Variants in FRMD6 observed in about 807,000 individuals in gnomAD.
The protein encoded by FRMD6 is FERM domain-containing protein 6.
FRMD6 carries 37 observed loss-of-function variants against 73.2 expected under a neutral mutation model. The ratio of observed to expected loss-of-function variants is 0.51; its 90% CI spans 0.39 to 0.66. The LOEUF (loss-of-function observed/expected upper bound fraction) is 0.66. FRMD6 is among the 30% of genes least tolerant of loss of function. The probability of loss-of-function intolerance (pLI) is 0.00; values close to 1 mark genes in which losing one functional copy is unlikely to be tolerated. For missense variants in FRMD6, 714 were observed against 780.5 expected (o/e 0.91, Z 1.02); for synonymous variants, 273 against 282.2 (o/e 0.97, Z 0.33).
At chr14:51,564,495 T>A (rs1260583365) in intron 1 of FRMD6, among the ~76,000 whole-genome samples, 1 of 152,140 alleles carries the variant, frequency 6.6e-6, no homozygotes, top group Non-Finnish European at 1.5e-5. Flanking sequence ...CCAGGGAGAT[T>A]AAGCGGCCTC....
At chr14:51,558,919 CT>C (rs1887314985) in intron 1 of FRMD6, among the ~76,000 whole-genome samples, 1 of 152,188 alleles carries the variant, frequency 6.6e-6, no homozygotes, top group Admixed American at 6.5e-5. Context: ...AATTTTATGA[CT>C]TAACTGCTAT....
the FRMD6 span, among the ~76,000 whole-genome samples, chr14:51,398,624 A>G: frequency 2.0e-5 from 3 of 152,134 alleles, no homozygotes; most frequent in African/African-American, 7.2e-5. Flanking sequence ...TACACTAATA[A>G]GAAGTCTCTA....
the FRMD6 span, among the ~76,000 whole-genome samples, chr14:51,420,965 A>G: frequency 4.4e-3 from 668 of 152,100 alleles, 5 homozygotes; most frequent in African/African-American, 0.015. Context: ...TTTAGTAGAG[A>G]CGGGTTTCAC....
intron 10 of FRMD6, among the ~76,000 whole-genome samples, chr14:51,718,586 C>CA (rs1388374155): frequency 6.6e-6 from 1 of 152,164 alleles, no homozygotes; most frequent in Admixed American, 6.5e-5. Context: ...ACCTTCATCT[C>CA]ACACCTGCTG....
intron 2 of FRMD6, among the ~76,000 whole-genome samples, chr14:51,586,714 T>C (rs1284426992): frequency 1.4e-5 from 2 of 143,208 alleles, no homozygotes; most frequent in Admixed American, 1.4e-4. Flanking sequence ...TCATGTCTTA[T>C]GTTCAGGTCT....
Position 51,727,980 on chromosome 14 carries a change from A to G in FRMD6, c.1820A>G (p.Tyr607Cys), listed in dbSNP as rs781328504. 1 of 1,613,476 alleles carries G rather than the reference A, an allele frequency of 6.2e-7. No individual in the cohort carries two copies. Among genetic ancestry groups the G allele is most frequent in the Non-Finnish European group, 8.5e-7 (1 of 1,179,432 alleles). The change falls in exon 14 of 14, where the codon TAC becomes TGC. Residue 607 changes from tyrosine to cysteine, a missense_variant. Coordinates refer to ENST00000344768, the MANE Select transcript of FRMD6 (RefSeq NM_001267046.2). ...TTTCCAGTCAAAAGAACCAGCAAAT[A>G]CTTTTCTCTGGATCTCACTCATGAT... ...DAFPVKRTSK[Y>C]FSLDLTHDEV...
chr14:51,469,414 C>T, the FRMD6 span, among the ~76,000 whole-genome samples: 1 of 150,338 alleles, frequency 6.7e-6, no homozygotes, highest in Non-Finnish European at 1.5e-5. Flanking sequence ...CAGATCGAGA[C>T]AATCCTGGCT....
intron 1 of FRMD6, among the ~76,000 whole-genome samples, chr14:51,493,358 T>C (rs1467795753): frequency 1.3e-5 from 2 of 152,194 alleles, no homozygotes; most frequent in African/African-American, 2.4e-5. Flanking sequence ...ATAATTCCCA[T>C]AATACATGTC....
chr14:51,712,463 T>C lies in FRMD6; in HGVS notation c.781-20T>C. 6.9e-7 allele frequency: 1 copy of C among 1,451,758 alleles called. No homozygotes were observed. Among genetic ancestry groups the C allele is most frequent in the Non-Finnish European group, 9.7e-7 (1 of 1,035,152 alleles). 89.9% of individuals were successfully genotyped at this position (1,451,758 alleles called of 1,614,324 possible). A position where few individuals can be genotyped will look rare whatever the true frequency, so the allele number is the denominator to read the frequency against. ...TCTATCATTTTTCCCATTAACTCCATATGCATATTCTTTTCACAGAATTTA... is the reference window on the plus strand; with the variant it reads ...TCTATCATTTTTCCCATTAACTCCACATGCATATTCTTTTCACAGAATTTA... On this transcript the variant is annotated intron_variant, in intron 8 of 13. Coordinates refer to ENST00000344768, the MANE Select transcript of FRMD6 (RefSeq NM_001267046.2).
rs1898122617 is a variant in FRMD6, at chr14:51,728,854, T to C, written c.*825T>C. 1 of 152,382 alleles carries C rather than the reference T, an allele frequency of 6.6e-6. No individual in the cohort carries two copies. 9.4% of individuals were successfully genotyped at this position (152,382 alleles called of 1,614,324 possible). On this transcript the variant is annotated 3_prime_UTR_variant, in exon 14 of 14. Transcript: ENST00000344768. The stretch of plus-strand genomic sequence containing the variant: ...TTGGTGCTTGGTGATGCTTTATTTG[T>C]TTAATTATCAAGAACAAATTATGGC...
chr14:51,429,952 G>C, the FRMD6 span, among the ~76,000 whole-genome samples: 413 of 152,272 alleles, frequency 2.7e-3, 2 homozygotes, highest in South Asian at 0.012. Context: ...GGGGCAAAAA[G>C]TTATGTCTAC....
the FRMD6 span, among the ~76,000 whole-genome samples, chr14:51,399,310 A>G: frequency 1.3e-5 from 2 of 152,202 alleles, no homozygotes; most frequent in African/African-American, 4.8e-5. Flanking sequence ...TTTGTAGTTA[A>G]TGGTTCACCC....
rs1289164505 is a variant in FRMD6, at chr14:51,728,895, T to C, written c.*866T>C. On this transcript the variant is annotated 3_prime_UTR_variant, in exon 14 of 14. Coordinates refer to ENST00000344768, the MANE Select transcript of FRMD6 (RefSeq NM_001267046.2). Reference sequence around the variant, plus strand: ...AAATTATGGCAATGCTAGTTTCTGCTTAACCAAAATACTCTGTGTATATAT... The same window carrying C: ...AAATTATGGCAATGCTAGTTTCTGCCTAACCAAAATACTCTGTGTATATAT... 2.6e-5 allele frequency: 4 copies of C among 152,268 alleles called. No homozygotes were observed. The East Asian group carries it at 7.7e-4, about 29-fold the overall frequency. The allele number at this position is 152,268 out of a possible 1,614,324, so 9.4% of individuals were successfully genotyped here.
intron 1 of FRMD6, among the ~76,000 whole-genome samples, chr14:51,658,412 GATTCACT>G (rs1892990718): frequency 8.0e-6 from 1 of 124,596 alleles, no homozygotes; most frequent in Non-Finnish European, 2.0e-5. Context: ...GGTCCCTCTT[GATTCACT>G]CTTGTTGATC....
chr14:51,424,666 G>A, the FRMD6 span, among the ~76,000 whole-genome samples: 4 of 152,172 alleles, frequency 2.6e-5, no homozygotes, highest in African/African-American at 9.7e-5. Flanking sequence ...ACTCCTCCCT[G>A]TGGCTTTGTT....
In FRMD6 at chr14:51,708,362, T is replaced by C. The variant is rs1315129917; in HGVS notation, c.714+129T>C. The C allele has an allele frequency of 8.9e-6, 8 of 898,482 alleles. No individual in the cohort carries two copies. In the African/African-American group the frequency reaches 1.4e-4, roughly 15 times the overall value. 55.7% of individuals were successfully genotyped at this position (898,482 alleles called of 1,614,324 possible). A position where few individuals can be genotyped will look rare whatever the true frequency, so the allele number is the denominator to read the frequency against. ...ATTTTTTACATGCTTTTAAAAGAGT[T>C]TCATTGAACTGCTTTTTGTTATCGC... is the stretch of plus-strand genomic sequence containing the variant. On this transcript the variant is annotated intron_variant, in intron 7 of 13. Coordinates refer to ENST00000344768, the MANE Select transcript of FRMD6 (RefSeq NM_001267046.2).
intron 4 of FRMD6, among the ~76,000 whole-genome samples, chr14:51,701,777 T>G (rs1397489565): frequency 6.6e-6 from 1 of 151,540 alleles, no homozygotes; most frequent in African/African-American, 2.4e-5. Flanking sequence ...TATGGAAAAA[T>G]TATTTGCTCT....
In FRMD6 at chr14:51,676,960, A is replaced by G. The variant is rs145512660; in HGVS notation, c.-146-12731A>G. 2.5e-3 allele frequency among the ~76,000 whole-genome samples: 386 copies of G among 152,204 alleles called. 2 individuals carry two copies. Among genetic ancestry groups the G allele is most frequent in the African/African-American group, 8.2e-3 (342 of 41,534 alleles). ...TTCTTTTTTTCTTTTTGAACCTGAC[A>G]TGTGAACATAAGAACCTTCTATTTG... On this transcript the variant is annotated intron_variant, in intron 1 of 13. Coordinates refer to ENST00000344768, the MANE Select transcript of FRMD6 (RefSeq NM_001267046.2).
intron 1 of FRMD6, among the ~76,000 whole-genome samples, chr14:51,517,425 C>T (rs1884694071): frequency 6.6e-6 from 1 of 152,038 alleles, no homozygotes; most frequent in South Asian, 2.1e-4. Flanking sequence ...CTTAGTGAAG[C>T]ATTAATAAAG....
Sources: gnomAD v4.1 joint callset for allele counts (sites outside exome capture counted in the v4.1 genomes callset) on GRCh38, gnomAD v4.1.1 for gene constraint, MANE v1.5 for transcripts, NCBI Gene and HGNC (gene_info 2026-07-23, HGNC 2026-07-21) for gene names.